Variants in PTPRN2 observed in about 807,000 individuals in gnomAD.
PTPRN2 encodes the protein protein tyrosine phosphatase receptor type N2, also known as receptor-type tyrosine-protein phosphatase N2.
A neutral mutation model predicts 118.8 loss-of-function variants in PTPRN2; 74 were observed. The observed-to-expected ratio is 0.62, with a 90% CI of 0.52 to 0.76. PTPRN2 has a LOEUF of 0.76. PTPRN2 is among the 30% of genes least tolerant of loss of function. The pLI is 0.00. For synonymous variants in PTPRN2, 641 were observed against 608.0 expected, an observed-to-expected ratio of 1.05 and a Z score of -0.80; for missense variants, 1,481 against 1,394.4, an observed-to-expected ratio of 1.06 and a Z score of -0.99.
intron 11 of PTPRN2, among the ~76,000 whole-genome samples, chr7:158,000,470 C>T (rs1429033810): frequency 6.6e-6 from 1 of 151,976 alleles, no homozygotes; most frequent in Non-Finnish European, 1.5e-5. Flanking sequence ...CACTAACGCC[C>T]TGCACACCTT....
chr7:157,749,462 T>G (rs1304402572), intron 12 of PTPRN2, among the ~76,000 whole-genome samples: 1 of 123,972 alleles, frequency 8.1e-6, no homozygotes, highest in Non-Finnish European at 1.7e-5. Context: ...CTGTGGCCTG[T>G]GTCCCTGAGC....
rs4019380 is a variant in PTPRN2, at chr7:157,963,708, C to G, written c.1724-64971G>C. Among the ~76,000 whole-genome samples the G allele has an allele frequency of 1.5e-3, 226 of 152,180 alleles. 9 individuals are homozygous for G. The East Asian group carries it at 0.029, about 19-fold the overall frequency. ...GCCCTCACCCCATCCCCAGGGCAGACGATGCCGCTTCTCAGTGAGGTCCCC... is the reference window on the plus strand; with the variant it reads ...GCCCTCACCCCATCCCCAGGGCAGAGGATGCCGCTTCTCAGTGAGGTCCCC... On this transcript the variant is annotated intron_variant, in intron 11 of 22. Coordinates refer to ENST00000389418, the MANE Select transcript of PTPRN2 (RefSeq NM_002847.5).
At chr7:158,330,519 ACT>A in intron 2 of PTPRN2, among the ~76,000 whole-genome samples, 1 of 101,456 alleles carries the variant, frequency 9.9e-6, no homozygotes, top group Non-Finnish European at 2.2e-5. Flanking sequence ...TCACACCCAC[ACT>A]CTCACCATAA....
At chr7:158,281,410 T>G (rs1040666864) in intron 3 of PTPRN2, among the ~76,000 whole-genome samples, 1 of 152,224 alleles carries the variant, frequency 6.6e-6, no homozygotes, top group Non-Finnish European at 1.5e-5. Flanking sequence ...CAGGAGTGCA[T>G]GCTTTGTGTG....
At chr7:158,567,266 C>T (rs1204306185) in intron 1 of PTPRN2, among the ~76,000 whole-genome samples, 1 of 152,220 alleles carries the variant, frequency 6.6e-6, no homozygotes, top group Admixed American at 6.5e-5. Flanking sequence ...TGGCACACAC[C>T]TGTGTGCACT....
At chr7:157,888,500 G>A (rs6973222) in intron 12 of PTPRN2, among the ~76,000 whole-genome samples, 74,550 of 151,322 alleles carry the variant, frequency 0.49, 19,592 homozygotes, top group South Asian at 0.6. Context: ...CAGGGGCCCC[G>A]TCAGGAACGT....
chr7:158,100,464 A>C (rs1358020873), intron 10 of PTPRN2, among the ~76,000 whole-genome samples: 1 of 152,194 alleles, frequency 6.6e-6, no homozygotes, highest in Non-Finnish European at 1.5e-5. Flanking sequence ...TTAGTTCTTT[A>C]AGGAATCTCC....
At chr7:158,264,261 G>A in intron 3 of PTPRN2, among the ~76,000 whole-genome samples, 1 of 152,208 alleles carries the variant, frequency 6.6e-6, no homozygotes, top group Admixed American at 6.5e-5. Context: ...TTCAGTAGGG[G>A]AAATAAAATA....
intron 11 of PTPRN2, among the ~76,000 whole-genome samples, chr7:158,023,835 C>G (rs1013345004): frequency 3.3e-5 from 5 of 151,924 alleles, no homozygotes; most frequent in Admixed American, 2.0e-4. Context: ...CACATGCAGG[C>G]ACACACACGT....
intron 9 of PTPRN2, among the ~76,000 whole-genome samples, chr7:158,121,653 G>A (rs991961457): frequency 1.3e-5 from 2 of 152,162 alleles, no homozygotes; most frequent in East Asian, 3.9e-4. Flanking sequence ...CTCCAATATG[G>A]AAACCAACAG....
rs1824683743 is a variant in PTPRN2, at chr7:158,525,272, T to C, written c.113-35487A>G. 6.6e-6 allele frequency among the ~76,000 whole-genome samples: 1 copy of C among 152,146 alleles called. No homozygotes were observed. Among genetic ancestry groups the C allele is most frequent in the Non-Finnish European group, 1.5e-5 (1 of 68,030 alleles). ...GTGAAAGTTTCTCTATTTTGGAAACTGGGCATCTGCCAAGGAGAACACACG... is the reference window on the plus strand; with the variant it reads ...GTGAAAGTTTCTCTATTTTGGAAACCGGGCATCTGCCAAGGAGAACACACG... On this transcript the variant is annotated intron_variant, in intron 1 of 22. Coordinates refer to ENST00000389418, the MANE Select transcript of PTPRN2 (RefSeq NM_002847.5). The surrounding 1 kb of genome is among the most constrained non-coding windows in gnomAD (Gnocchi z 4.1).
chr7:158,240,426 G>GTTTTGT (rs1239346864), intron 3 of PTPRN2, among the ~76,000 whole-genome samples: 3 of 152,092 alleles, frequency 2.0e-5, no homozygotes, highest in Non-Finnish European at 4.4e-5. Flanking sequence ...GTGGGCTTTT[G>GTTTTGT]TTTTGTTTTT....
intron 11 of PTPRN2, among the ~76,000 whole-genome samples, chr7:158,025,373 C>T (rs188527973): frequency 3.3e-5 from 5 of 152,302 alleles, no homozygotes; most frequent in African/African-American, 1.2e-4. Context: ...TGTTTGTTCT[C>T]GGCCATGCTG....
rs552781235 is a variant in PTPRN2 at position 158,069,225 on chromosome 7, A to G, written c.1723+12073T>C. On this transcript the variant is annotated intron_variant, in intron 11 of 22. Transcript: ENST00000389418. The stretch of plus-strand genomic sequence containing the variant: ...ATTTTTAGAGATAGGGTCACGCTCT[A>G]TCACCCAAGCTCAGGGGCAGTGGCA... 1.2e-4 allele frequency among the ~76,000 whole-genome samples: 18 copies of G among 152,300 alleles called. No individual in the cohort carries two copies. In the South Asian group the frequency reaches 3.7e-3, roughly 32 times the overall value.
intron 14 of PTPRN2, among the ~76,000 whole-genome samples, chr7:157,640,532 G>C (rs1231084341): frequency 6.6e-6 from 1 of 152,184 alleles, no homozygotes; most frequent in Non-Finnish European, 1.5e-5. Context: ...GGAATTCTCA[G>C]ATTCAGGAAT....
chr7:157,795,390 G>T (rs904902246), intron 12 of PTPRN2, among the ~76,000 whole-genome samples: 1 of 152,244 alleles, frequency 6.6e-6, no homozygotes. Context: ...TCCACATGGG[G>T]CCTCAGCACC....
chr7:157,654,448 C>T (rs574061032), intron 14 of PTPRN2, among the ~76,000 whole-genome samples: 3 of 152,312 alleles, frequency 2.0e-5, no homozygotes, highest in South Asian at 4.1e-4. Flanking sequence ...TCCAGTTTCC[C>T]TGAGTTTACA....
intron 11 of PTPRN2, among the ~76,000 whole-genome samples, chr7:158,074,624 C>G (rs1202548572): frequency 6.6e-6 from 1 of 152,118 alleles, no homozygotes. Flanking sequence ...GACGTGGCTC[C>G]CGAGGTGGAG....
In PTPRN2 at chr7:158,098,901, C is replaced by G. The variant is rs112241343; in HGVS notation, c.1643+11928G>C. Among the ~76,000 whole-genome samples, 1,434 of 151,994 alleles carry G rather than the reference C, an allele frequency of 9.4e-3. 23 individuals are homozygous for G. Among genetic ancestry groups the G allele is most frequent in the African/African-American group, 0.033 (1,362 of 41,402 alleles). Reference sequence around the variant, plus strand: ...TAGAAGGTGACAGTGCGGGGTGCAGCGTTCCTGGGTCCTTGAGGGGAGCCG... The same window carrying G: ...TAGAAGGTGACAGTGCGGGGTGCAGGGTTCCTGGGTCCTTGAGGGGAGCCG... On this transcript the variant is annotated intron_variant, in intron 10 of 22. Coordinates refer to ENST00000389418, the MANE Select transcript of PTPRN2 (RefSeq NM_002847.5).
Sources: gnomAD v4.1 joint callset for allele counts (sites outside exome capture counted in the v4.1 genomes callset) on GRCh38, gnomAD v4.1.1 for gene constraint, Gnocchi (gnomAD v3.1) non-coding constraint, MANE v1.5 for transcripts, NCBI Gene and HGNC (gene_info 2026-07-23, HGNC 2026-07-21) for gene names.